The following ACSM1 variants were observed in gnomAD, a reference collection of about 807,000 sequenced individuals.
ACSM1 encodes the protein acyl-coenzyme A synthetase ACSM1, mitochondrial.
In ACSM1, 79 loss-of-function variants were observed where a neutral mutation model predicts 75.8. The ratio of observed to expected loss-of-function variants is 1.04; its 90% CI spans 0.87 to 1.26. ACSM1 has a LOEUF of 1.26. ACSM1 is among the 50% of genes most tolerant of loss of function. The pLI is 0.00. For synonymous variants in ACSM1, 279 were observed against 265.8 expected, an observed-to-expected ratio of 1.05 and a Z score of -0.48; for missense variants, 676 against 720.1, an observed-to-expected ratio of 0.94 and a Z score of 0.70.
chr16:20,669,342 G>A (rs913547492), intron 6 of ACSM1, among the ~76,000 whole-genome samples: 2 of 151,872 alleles, frequency 1.3e-5, no homozygotes, highest in Non-Finnish European at 2.9e-5. Flanking sequence ...TGCTCAGAGT[G>A]GTATGTAACC....
intron 4 of ACSM1, among the ~76,000 whole-genome samples, chr16:20,672,471 A>AAAAAAAAAATATATATATAT (rs1555473775): frequency 1.5e-5 from 1 of 64,560 alleles, no homozygotes; most frequent in East Asian, 1.3e-3. Flanking sequence ...AAAAAAAAAA[A>AAAAAAAAAATATATATATAT]ATATATATAT....
chr16:20,686,460 G>A (rs1419375898), intron 2 of ACSM1, among the ~76,000 whole-genome samples: 1 of 151,972 alleles, frequency 6.6e-6, no homozygotes, highest in Non-Finnish European at 1.5e-5. Flanking sequence ...CACACACTGG[G>A]GCCAGTCTGA....
chr16:20,649,092 C>G (rs1302307705), intron 7 of ACSM1, among the ~76,000 whole-genome samples: 1 of 152,210 alleles, frequency 6.6e-6, no homozygotes. Flanking sequence ...CAATCTGGCT[C>G]ATGTCAGTGA....
intron 10 of ACSM1, among the ~76,000 whole-genome samples, chr16:20,635,367 C>T (rs1295626766): frequency 6.6e-6 from 1 of 152,186 alleles, no homozygotes; most frequent in African/African-American, 2.4e-5. Flanking sequence ...TGCACTCCAG[C>T]TCGGTGACAG....
In ACSM1 at chr16:20,625,466, G is replaced by T; in HGVS notation, c.1484C>A (p.Ala495Glu). The stretch of plus-strand genomic sequence containing the variant: ...TGGGCTGCCCACCACGGCTGACTCC[G>T]CCACCGCTGGGTGCTCCACCAAAGC... The part of the protein sequence containing the change: ...ESALVEHPAV[A>E]ESAVVGSPDP... The change falls in exon 12 of 14, where the codon GCG (alanine) becomes GAG (glutamate). Residue 495 changes from alanine to glutamate, a missense_variant. By Grantham distance (107) the Ala-to-Glu change is moderately radical. Coordinates refer to ENST00000520010, the MANE Select transcript of ACSM1 (RefSeq NM_001318890.3). 1 of 1,614,058 alleles carries T rather than the reference G, an allele frequency of 6.2e-7. No individual in the cohort carries two copies. The highest frequency in any genetic ancestry group is 8.5e-7 in the Non-Finnish European group (1 of 1,180,018).
chr16:20,637,231 T>C, intron 9 of ACSM1, 140 bp downstream of exon 9: 2 of 823,006 alleles, frequency 2.4e-6, no homozygotes, highest in African/African-American at 3.5e-5. Context: ...GGCCTCCATA[T>C]GAAACTGAAG....
In ACSM1 at chr16:20,648,813, G is replaced by A. The variant is rs59041097; in HGVS notation, c.993-8229C>T. ...TGGACCAAACCAATATACACCTTACGTGTATTAATTGATGTCTTATGTTTC... is the reference window on the plus strand; with the variant it reads ...TGGACCAAACCAATATACACCTTACATGTATTAATTGATGTCTTATGTTTC... On this transcript the variant is annotated intron_variant, in intron 7 of 13. Transcript: ENST00000520010. This position sits in a 1 kb window ranked among gnomAD's most constrained non-coding sequence, Gnocchi z 4.2. Among the ~76,000 whole-genome samples, 282 of 152,142 alleles carry A rather than the reference G, an allele frequency of 1.9e-3. 1 individual carries two copies. Among genetic ancestry groups the A allele is most frequent in the African/African-American group, 6.0e-3 (248 of 41,518 alleles).
intron 7 of ACSM1, among the ~76,000 whole-genome samples, chr16:20,643,340 G>A (rs1216379017): frequency 6.6e-6 from 1 of 152,234 alleles, no homozygotes; most frequent in African/African-American, 2.4e-5. Flanking sequence ...CTCACCACTT[G>A]GCGATAGGTG....
At chr16:20,677,972 C>T (rs909175441) in intron 4 of ACSM1, among the ~76,000 whole-genome samples, 1 of 149,686 alleles carries the variant, frequency 6.7e-6, no homozygotes. Context: ...GGCAGAGATG[C>T]ACTGCAAGGG....
chr16:20,684,736 G>A (rs1230364774), intron 3 of ACSM1, among the ~76,000 whole-genome samples: 2 of 152,158 alleles, frequency 1.3e-5, no homozygotes, highest in Admixed American at 6.5e-5. Flanking sequence ...AAATAATTCA[G>A]TAAGAAAGGG....
intron 2 of ACSM1, among the ~76,000 whole-genome samples, chr16:20,689,662 CA>C (rs1455131886): frequency 1.3e-5 from 2 of 152,104 alleles, no homozygotes; most frequent in African/African-American, 4.8e-5. Context: ...TTTTGAAAAA[CA>C]AAATTGCATT....
At chr16:20,687,406 C>T (rs2079573087) in intron 2 of ACSM1, among the ~76,000 whole-genome samples, 1 of 152,004 alleles carries the variant, frequency 6.6e-6, no homozygotes, top group Non-Finnish European at 1.5e-5. Flanking sequence ...ACACAGAGGC[C>T]AAGGAAAGAT....
chr16:20,644,503 C>G (rs763604980), intron 7 of ACSM1, among the ~76,000 whole-genome samples: 1 of 151,496 alleles, frequency 6.6e-6, no homozygotes, highest in Non-Finnish European at 1.5e-5. Context: ...CCATTCAAGA[C>G]AGGACAATAG....
At chr16:20,686,469 G>A (rs1476091031) in intron 2 of ACSM1, among the ~76,000 whole-genome samples, 1 of 152,204 alleles carries the variant, frequency 6.6e-6, no homozygotes, top group East Asian at 1.9e-4. Flanking sequence ...GGGCCAGTCT[G>A]ACGGGTCAGG....
intron 11 of ACSM1, 143 bp downstream of exon 11, chr16:20,627,046 G>T: frequency 1.8e-6 from 2 of 1,130,086 alleles, no homozygotes; most frequent in Non-Finnish European, 2.4e-6. Context: ...GTATACTGAA[G>T]CCTGGAATCA....
At chr16:20,643,832 A>G (rs1322647874) in intron 7 of ACSM1, among the ~76,000 whole-genome samples, 1 of 151,536 alleles carries the variant, frequency 6.6e-6, no homozygotes, top group Admixed American at 6.6e-5. Flanking sequence ...TGCATTTACA[A>G]TCCTTTATCT....
chr16:20,685,358 G>C lies in ACSM1; in HGVS notation c.238C>G (p.Gln80Glu), dbSNP rs2079528708. The change falls in exon 3 of 14, where the codon CAA (glutamine) becomes GAA (glutamate). Residue 80 changes from glutamine to glutamate, a missense_variant. Transcript: ENST00000520010. ...AAGCTCCACTTTACTTCATCCCCTT[G>C]GCCATTCACCCACCAAAAAGCTGGA... is the stretch of plus-strand genomic sequence containing the variant. ...PNPAFWWVNGQGDEVKWSFRE... is the reference protein window; with the variant it reads ...PNPAFWWVNGEGDEVKWSFRE... 5 of 1,613,962 alleles carry C rather than the reference G, an allele frequency of 3.1e-6. No individual in the cohort carries two copies. Among genetic ancestry groups the C allele is most frequent in the Non-Finnish European group, 4.2e-6 (5 of 1,180,024 alleles).
intron 1 of ACSM1, 57 bp from the exon 2 acceptor site, chr16:20,691,296 G>T: frequency 1.0e-6 from 1 of 979,052 alleles, no homozygotes; most frequent in Non-Finnish European, 1.5e-6. Flanking sequence ...TCCCTAAATT[G>T]GGTGCATGTT....
rs960450890 is a variant in ACSM1 at position 20,671,577 on chromosome 16, C to T, written c.706G>A (p.Ala236Thr). The change falls in exon 5 of 14, where the codon GCA becomes ACA. Residue 236 changes from alanine (A) to threonine (T), a missense_variant. Coordinates refer to ENST00000520010, the MANE Select transcript of ACSM1 (RefSeq NM_001318890.3). ...AAGGCCAACCCATGGGAGTGTTTTG[C>T]CATCTTGGGGAAGCCTGTGGTCCCA... is the stretch of plus-strand genomic sequence containing the variant. Reference protein sequence around the residue: ...TSGTTGFPKMAKHSHGLALQP... With the variant: ...TSGTTGFPKMTKHSHGLALQP... The T allele has an allele frequency of 5.6e-6, 9 of 1,613,656 alleles. No homozygotes were observed. The highest frequency in any genetic ancestry group is 6.8e-6 in the Non-Finnish European group (8 of 1,179,812).
Sources: gnomAD v4.1 joint callset for allele counts (sites outside exome capture counted in the v4.1 genomes callset) on GRCh38, gnomAD v4.1.1 for gene constraint, Gnocchi (gnomAD v3.1) non-coding constraint, MANE v1.5 for transcripts, NCBI Gene and HGNC (gene_info 2026-07-23, HGNC 2026-07-21) for gene names.